STK3: variants seen among roughly 807,000 people sequenced by gnomAD.
STK3 encodes serine/threonine kinase 3, also known as serine/threonine-protein kinase 3.
A neutral mutation model predicts 58.0 loss-of-function variants in STK3; 41 were observed. That is an observed-to-expected ratio of 0.71 (90% CI 0.55 to 0.92). The LOEUF (loss-of-function observed/expected upper bound fraction) is 0.92, where lower values mean the gene tolerates loss of function less well. Among genes scored for constraint, STK3 ranks in the 40% least tolerant of loss-of-function variants. STK3 has a pLI of 0.00. For synonymous variants in STK3, 170 were observed against 191.0 expected, an observed-to-expected ratio of 0.89 and a Z score of 0.91; for missense variants, 479 against 602.7, an observed-to-expected ratio of 0.79 and a Z score of 2.15.
At chr8:98,664,761 C>T (rs1822212846) in intron 6 of STK3, among the ~76,000 whole-genome samples, 1 of 152,090 alleles carries the variant, frequency 6.6e-6, no homozygotes. Context: ...TGAGAATTCT[C>T]TTAGAAGTAC....
chr8:98,644,228 T>C (rs1341022641), intron 6 of STK3, among the ~76,000 whole-genome samples: 9 of 152,210 alleles, frequency 5.9e-5, no homozygotes, highest in African/African-American at 2.2e-4. Flanking sequence ...CTTCTTTTCA[T>C]TGCTCTTTAG....
intron 3 of STK3, chr8:98,393,579 C>A (rs193034683): frequency 6.6e-6 from 1 of 152,286 alleles, no homozygotes; most frequent in Admixed American, 6.5e-5. Context: ...ACACTTCTGC[C>A]CTTTGCTTGG....
intron 6 of STK3, among the ~76,000 whole-genome samples, chr8:98,614,136 A>C (rs1340957118): frequency 6.6e-6 from 1 of 152,226 alleles, no homozygotes; most frequent in Non-Finnish European, 1.5e-5. Context: ...TAAAACAAAT[A>C]GACAGAAAAT....
intron 10 of STK3, among the ~76,000 whole-genome samples, chr8:98,480,386 T>C (rs930216597): frequency 6.6e-6 from 1 of 152,150 alleles, no homozygotes; most frequent in Non-Finnish European, 1.5e-5. Flanking sequence ...GGAACAATAT[T>C]TTAAACTTTC....
chr8:98,707,392 G>T, intron 4 of STK3, 81 bp from the exon 5 acceptor site: 2 of 1,062,590 alleles, frequency 1.9e-6, no homozygotes, highest in Non-Finnish European at 2.6e-6. Flanking sequence ...TAACAAGTAT[G>T]TCTTTCCGTG....
chr8:98,763,620 T>C (rs1444125547), intron 3 of STK3, among the ~76,000 whole-genome samples: 4 of 152,220 alleles, frequency 2.6e-5, no homozygotes, highest in Non-Finnish European at 5.9e-5. Flanking sequence ...ATACTAGTTA[T>C]TGGTAGCTAA....
At chr8:98,620,851 C>G (rs534832399) in intron 6 of STK3, among the ~76,000 whole-genome samples, 32 of 150,802 alleles carry the variant, frequency 2.1e-4, no homozygotes, top group African/African-American at 7.3e-4. Context: ...GTTTTTTAAG[C>G]AACTGTAAAT....
the STK3 span, among the ~76,000 whole-genome samples, chr8:98,351,005 G>A: frequency 6.6e-6 from 1 of 152,152 alleles, no homozygotes; most frequent in African/African-American, 2.4e-5. Context: ...AAGAAAATTA[G>A]ATTATTATCA....
chr8:98,388,870 T>C (rs1817819133), upstream of STK3, among the ~76,000 whole-genome samples: 1 of 152,216 alleles, frequency 6.6e-6, no homozygotes, highest in East Asian at 1.9e-4. Flanking sequence ...TGACCTGACA[T>C]TCAACATCTT....
At chr8:98,770,547 C>G (rs183777633) in intron 2 of STK3, among the ~76,000 whole-genome samples, 1 of 152,138 alleles carries the variant, frequency 6.6e-6, no homozygotes, top group East Asian at 1.9e-4. Flanking sequence ...CAAAAGTGGC[C>G]CATATTAAGT....
intron 1 of STK3, among the ~76,000 whole-genome samples, chr8:98,810,087 A>C (rs1834120846): frequency 1.3e-5 from 2 of 152,130 alleles, no homozygotes; most frequent in Admixed American, 1.3e-4. Flanking sequence ...GGTGCTACAC[A>C]CTTAGAAACA....
chr8:98,749,945 T>C (rs1374673518), intron 3 of STK3, among the ~76,000 whole-genome samples: 1 of 152,112 alleles, frequency 6.6e-6, no homozygotes, highest in Non-Finnish European at 1.5e-5. Flanking sequence ...CAGAATAAAC[T>C]ATGTTTATAG....
Position 98,654,095 on chromosome 8 carries a change from A to G in STK3, c.684+52372T>C, listed in dbSNP as rs201997105. Among the ~76,000 whole-genome samples the G allele has an allele frequency of 4.1e-3, 624 of 152,228 alleles. 8 individuals carry two copies. The highest frequency in any genetic ancestry group is 2.0e-3 in the Non-Finnish European group (138 of 67,980). The stretch of plus-strand genomic sequence containing the variant: ...TGCAAAAATCCTCAATAAAATACTG[A>G]CAAACCGCATCCAGCAGCACATCAA... On this transcript the variant is annotated intron_variant, in intron 6 of 10. Transcript: ENST00000419617.
intron 6 of STK3, chr8:98,597,181 T>C: frequency 1.5e-6 from 1 of 675,518 alleles, no homozygotes; most frequent in South Asian, 6.6e-5. Context: ...TAATTGCCTA[T>C]ATCATTCTTT....
chr8:98,396,202 G>T (rs1817895826), intron 3 of STK3, among the ~76,000 whole-genome samples: 1 of 152,136 alleles, frequency 6.6e-6, no homozygotes, highest in Non-Finnish European at 1.5e-5. Context: ...TCAAGCCAAA[G>T]GTAAGCTTTC....
intron 3 of STK3, among the ~76,000 whole-genome samples, chr8:98,873,288 T>C (rs1474134057): frequency 2.0e-5 from 3 of 152,206 alleles, no homozygotes; most frequent in Non-Finnish European, 4.4e-5. Flanking sequence ...ATAAGTATGA[T>C]GTGGTGCTGA....
intron 7 of STK3, among the ~76,000 whole-genome samples, chr8:98,586,848 T>C (rs905498723): frequency 2.6e-5 from 4 of 152,002 alleles, no homozygotes; most frequent in Non-Finnish European, 4.4e-5. Flanking sequence ...GTCGAGGAAT[T>C]TATCCATTTC....
intron 9 of STK3, among the ~76,000 whole-genome samples, chr8:98,536,121 C>T (rs1453156076): frequency 2.0e-5 from 3 of 152,130 alleles, no homozygotes; most frequent in South Asian, 2.1e-4. Flanking sequence ...ACATCCCAAT[C>T]AGGAGCTTCT....
chr8:98,527,604 A>G (rs1168775259), intron 9 of STK3, among the ~76,000 whole-genome samples: 1 of 152,162 alleles, frequency 6.6e-6, no homozygotes, highest in Non-Finnish European at 1.5e-5. Flanking sequence ...TGGGCAACAG[A>G]GCAAGACCCT....
Sources: gnomAD v4.1 joint callset for allele counts (sites outside exome capture counted in the v4.1 genomes callset) on GRCh38, gnomAD v4.1.1 for gene constraint, MANE v1.5 for transcripts, NCBI Gene and HGNC (gene_info 2026-07-23, HGNC 2026-07-21) for gene names.